WWOX: variants seen among roughly 807,000 people sequenced by gnomAD.
WWOX encodes WW domain-containing oxidoreductase.
A neutral mutation model predicts 46.2 loss-of-function variants in WWOX; 69 were observed. The ratio of observed to expected loss-of-function variants is 1.49; its 90% CI spans 1.23 to 1.82. The LOEUF is 1.82. Among genes scored for constraint, WWOX ranks in the 40% most tolerant of loss-of-function variants. The probability of loss-of-function intolerance (pLI) is 0.00; values close to 1 mark genes in which losing one functional copy is unlikely to be tolerated. For missense variants in WWOX, 919 were observed against 542.6 expected (o/e 1.69, Z -6.89); for synonymous variants, 359 against 202.6 (o/e 1.77, Z -6.56).
At chr16:78,494,664 C>G (rs2151466068) in intron 8 of WWOX, among the ~76,000 whole-genome samples, 2 of 152,282 alleles carry the variant, frequency 1.3e-5, no homozygotes, top group Middle Eastern at 6.8e-3. Flanking sequence ...TTGCATGGTT[C>G]TGGCTTAATG....
intron 8 of WWOX, among the ~76,000 whole-genome samples, chr16:79,152,273 C>A (rs1313943916): frequency 6.6e-6 from 1 of 152,166 alleles, no homozygotes; most frequent in Non-Finnish European, 1.5e-5. Context: ...TACAGGCTGG[C>A]TGGACCATGC....
intron 4 of WWOX, among the ~76,000 whole-genome samples, chr16:78,153,094 G>A (rs1021086367): frequency 6.6e-6 from 1 of 152,170 alleles, no homozygotes; most frequent in Non-Finnish European, 1.5e-5. Context: ...ATCGTGTTTA[G>A]TAAGCACGAT....
At chr16:79,097,495 C>T (rs904886363) in intron 8 of WWOX, among the ~76,000 whole-genome samples, 7 of 152,126 alleles carry the variant, frequency 4.6e-5, no homozygotes, top group African/African-American at 1.4e-4. Context: ...ATTTTGTTCG[C>T]AGTGGCACCG....
intron 8 of WWOX, among the ~76,000 whole-genome samples, chr16:78,924,083 C>T (rs998114363): frequency 2.0e-5 from 3 of 151,996 alleles, no homozygotes; most frequent in African/African-American, 7.3e-5. Context: ...TCCCAAAGTG[C>T]TGGGATTACA....
At chr16:78,547,126 A>AG (rs1465045239) in intron 8 of WWOX, among the ~76,000 whole-genome samples, 2 of 60,602 alleles carry the variant, frequency 3.3e-5, no homozygotes, top group South Asian at 7.0e-4. Context: ...ACCTTGTCTC[A>AG]GAAAAAAAAA....
chr16:78,541,473 C>CAAAAAAAAAAA (rs59900108), intron 8 of WWOX, among the ~76,000 whole-genome samples: 1 of 45,146 alleles, frequency 2.2e-5, no homozygotes, highest in African/African-American at 1.1e-4. Context: ...GACTCCGTCT[C>CAAAAAAAAAAA]AAAAAAAAAA....
intron 8 of WWOX, among the ~76,000 whole-genome samples, chr16:78,811,745 C>G (rs1331171345): frequency 6.6e-6 from 1 of 152,072 alleles, no homozygotes; most frequent in East Asian, 1.9e-4. Context: ...CTAAACCTAA[C>G]AACCTCTCCA....
At chr16:78,955,331 T>G (rs144860117) in intron 8 of WWOX, among the ~76,000 whole-genome samples, 20 of 152,256 alleles carry the variant, frequency 1.3e-4, no homozygotes, top group African/African-American at 4.8e-4. Context: ...GTCAGTGAAA[T>G]CCGTTGAGAG....
At chr16:78,159,911 A>G (rs753478843) in intron 4 of WWOX, among the ~76,000 whole-genome samples, 12 of 151,368 alleles carry the variant, frequency 7.9e-5, no homozygotes, top group Non-Finnish European at 1.5e-4. Flanking sequence ...CCTTTTATTC[A>G]TCCCTGATAT....
intron 8 of WWOX, among the ~76,000 whole-genome samples, chr16:78,686,327 C>T (rs1055266013): frequency 7.9e-5 from 12 of 151,592 alleles, no homozygotes; most frequent in East Asian, 1.9e-4. Context: ...CTGGCTAAGT[C>T]GGTGAAACCC....
chr16:78,515,217 C>G (rs1028911549), intron 8 of WWOX, among the ~76,000 whole-genome samples: 12 of 152,168 alleles, frequency 7.9e-5, no homozygotes, highest in East Asian at 3.9e-4. Context: ...GAGCGAGACC[C>G]TGTCTCAGAA....
chr16:79,177,857 C>G (rs2050832152), intron 8 of WWOX, among the ~76,000 whole-genome samples: 1 of 152,204 alleles, frequency 6.6e-6, no homozygotes, highest in African/African-American at 2.4e-5. Flanking sequence ...GCTGCTATAA[C>G]AGATACCATA....
chr16:78,509,086 G>T (rs1366411663), intron 8 of WWOX, among the ~76,000 whole-genome samples: 1 of 152,232 alleles, frequency 6.6e-6, no homozygotes, highest in Non-Finnish European at 1.5e-5. Flanking sequence ...TTTCCAGTGT[G>T]CAGTGAGGCC....
chr16:78,749,506 G>A (rs777645001), intron 8 of WWOX, among the ~76,000 whole-genome samples: 32 of 152,252 alleles, frequency 2.1e-4, no homozygotes, highest in Non-Finnish European at 4.0e-4. Context: ...AGCATTTAAT[G>A]TTTTGTTGTT....
chr16:78,562,889 G>C (rs972718943), intron 8 of WWOX, among the ~76,000 whole-genome samples: 4 of 152,152 alleles, frequency 2.6e-5, no homozygotes, highest in Admixed American at 2.0e-4. Context: ...ACGATGGGGA[G>C]GTGACACATA....
At chr16:78,266,529 G>T (rs530069128) in intron 5 of WWOX, among the ~76,000 whole-genome samples, 1 of 152,130 alleles carries the variant, frequency 6.6e-6, no homozygotes, top group Admixed American at 6.5e-5. Flanking sequence ...CTGAAGGCAG[G>T]ATAGCATAGG....
At chr16:78,335,884 G>C (rs1293755592) in intron 5 of WWOX, among the ~76,000 whole-genome samples, 3 of 152,076 alleles carry the variant, frequency 2.0e-5, no homozygotes, top group African/African-American at 7.2e-5. Context: ...TTGAGGCCAG[G>C]AGTTTGAGAC....
intron 5 of WWOX, among the ~76,000 whole-genome samples, chr16:78,240,314 T>TA (rs141210179): frequency 0.011 from 1,567 of 148,540 alleles, 3 homozygotes; most frequent in African/African-American, 0.022. Context: ...CCCCATCTCT[T>TA]AAAAAAAAAA....
chr16:78,740,510 C>A (rs186197138), intron 8 of WWOX, among the ~76,000 whole-genome samples: 50 of 152,270 alleles, frequency 3.3e-4, no homozygotes, highest in African/African-American at 1.1e-3. Context: ...ATGAGAAGAT[C>A]CCTGTTTAGG....
Sources: gnomAD v4.1 joint callset for allele counts (sites outside exome capture counted in the v4.1 genomes callset) on GRCh38, gnomAD v4.1.1 for gene constraint, MANE v1.5 for transcripts, NCBI Gene and HGNC (gene_info 2026-07-23, HGNC 2026-07-21) for gene names.